The following TRIM23 variants were observed in gnomAD, a reference collection of about 807,000 sequenced individuals.
The protein encoded by TRIM23 is E3 ubiquitin-protein ligase TRIM23.
Under a neutral mutation model 71.0 loss-of-function variants are expected in TRIM23, and 27 were observed. The ratio of observed to expected loss-of-function variants is 0.38; its 90% CI spans 0.28 to 0.52. The LOEUF is 0.52. TRIM23 is among the 20% of genes least tolerant of loss of function. The pLI is 0.84. For missense variants in TRIM23, 482 were observed against 692.3 expected (o/e 0.70, Z 3.41); for synonymous variants, 234 against 238.0 (o/e 0.98, Z 0.16).
intron 3 of TRIM23, 53 bp downstream of exon 3, chr5:65,614,045 T>C: frequency 3.8e-6 from 6 of 1,592,744 alleles, no homozygotes; most frequent in Non-Finnish European, 5.1e-6. Context: ...ATGGCATCTA[T>C]TAAAAGAAAA....
chr5:65,599,029 GC>G (rs1319679353), intron 7 of TRIM23, among the ~76,000 whole-genome samples: 3 of 152,112 alleles, frequency 2.0e-5, no homozygotes, highest in African/African-American at 7.2e-5. Flanking sequence ...AAAACTGAAA[GC>G]TTTTTCTCTA....
intron 6 of TRIM23, among the ~76,000 whole-genome samples, chr5:65,607,713 A>G (rs1754544441): frequency 6.6e-6 from 1 of 152,230 alleles, no homozygotes; most frequent in Admixed American, 6.5e-5. Flanking sequence ...TTCAGTAACT[A>G]TGAACAAACT....
intron 3 of TRIM23, chr5:65,613,793 G>C: frequency 7.8e-7 from 1 of 1,289,802 alleles, no homozygotes; most frequent in Non-Finnish European, 1.0e-6. Context: ...CTCTACTGTT[G>C]CTTACATATC....
chr5:65,595,584 T>G (rs937984867), intron 9 of TRIM23, among the ~76,000 whole-genome samples: 28 of 148,270 alleles, frequency 1.9e-4, no homozygotes, highest in Admixed American at 1.7e-3. Context: ...AAAAATTAGC[T>G]GAATGTGGTG....
At chr5:65,620,817 T>C (rs1037905918) in intron 1 of TRIM23, among the ~76,000 whole-genome samples, 1 of 152,112 alleles carries the variant, frequency 6.6e-6, no homozygotes, top group African/African-American at 2.4e-5. Context: ...GGCTCACACC[T>C]GTAATCACAG....
chr5:65,616,329 T>C (rs1754777582), intron 2 of TRIM23, among the ~76,000 whole-genome samples: 2 of 152,114 alleles, frequency 1.3e-5, no homozygotes, highest in Admixed American at 1.3e-4. Context: ...GGTATTAATG[T>C]AGAGAAGGTA....
At chr5:65,607,470 GCT>G (rs1017005455) in intron 6 of TRIM23, among the ~76,000 whole-genome samples, 1 of 152,086 alleles carries the variant, frequency 6.6e-6, no homozygotes, top group African/African-American at 2.4e-5. Flanking sequence ...CCTCTCCTTT[GCT>G]CTCTCTTTCT....
At chr5:65,617,387 T>C (rs1253420794) in intron 2 of TRIM23, among the ~76,000 whole-genome samples, 1 of 152,176 alleles carries the variant, frequency 6.6e-6, no homozygotes, top group East Asian at 1.9e-4. Context: ...CTGTCTTAGA[T>C]AGTGCAACTG....
rs920566859 is a variant in TRIM23 at position 65,614,036 on chromosome 5, T to G, written c.366+62A>C. 5.0e-6 allele frequency: 8 copies of G among 1,586,824 alleles called. No individual in the cohort carries two copies. In the South Asian group the frequency reaches 5.8e-5, roughly 11 times the overall value. ...AAATGAAGTAATATTGTGCTAATAA[T>G]GGCATCTATTAAAAGAAAAATTCAT... On this transcript the variant is annotated intron_variant, in intron 3 of 10. Coordinates refer to ENST00000231524, the MANE Select transcript of TRIM23 (RefSeq NM_001656.4).
intron 6 of TRIM23, 72 bp from the exon 7 acceptor site, chr5:65,605,117 C>T: frequency 7.2e-7 from 1 of 1,388,686 alleles, no homozygotes; most frequent in Non-Finnish European, 9.6e-7. Context: ...ATATTACCAA[C>T]TCACAATAAA....
chr5:65,591,979 G>A (rs1165543111), intron 10 of TRIM23, 31 bp from the exon 11 acceptor site: 2 of 1,541,046 alleles, frequency 1.3e-6, no homozygotes, highest in Non-Finnish European at 1.8e-6. Context: ...TTTTTTATCA[G>A]TCCATCCAAA....
chr5:65,593,492 T>TAAAA (rs1754101328), intron 10 of TRIM23, among the ~76,000 whole-genome samples: 10 of 152,218 alleles, frequency 6.6e-5, no homozygotes, highest in Admixed American at 5.9e-4. Flanking sequence ...CTTTCATCTT[T>TAAAA]AACTATCTGA....
chr5:65,618,949 T>A (rs1754845452), intron 1 of TRIM23, among the ~76,000 whole-genome samples: 1 of 152,250 alleles, frequency 6.6e-6, no homozygotes, highest in African/African-American at 2.4e-5. Context: ...ATCAGCATAT[T>A]CTGATTCTCA....
At chr5:65,604,041 C>T (rs1754431883) in intron 7 of TRIM23, among the ~76,000 whole-genome samples, 1 of 151,912 alleles carries the variant, frequency 6.6e-6, no homozygotes, top group African/African-American at 2.4e-5. Context: ...CATCCTCTCA[C>T]CTCAGCCTCC....
At position 65,591,859 on chromosome 5, in the gene TRIM23, G is replaced by C; in HGVS notation, c.1635C>G (p.Gly545=). ...GTCCCATACCACTTCGAGCATCACAGCCCTGAATATACCAGCTACGGCCAC... is the reference window on the plus strand; with the variant it reads ...GTCCCATACCACTTCGAGCATCACACCCCTGAATATACCAGCTACGGCCAC... ...LCCGRSWYIQ[G]CDARSGMGLY... Residue 545 remains glycine (G), a synonymous_variant, in exon 11 of 11, where the codon GGC becomes GGG. Coordinates refer to ENST00000231524, the MANE Select transcript of TRIM23 (RefSeq NM_001656.4). The C allele has an allele frequency of 6.2e-7, 1 of 1,613,942 alleles. No homozygotes were observed. The highest frequency in any genetic ancestry group is 8.5e-7 in the Non-Finnish European group (1 of 1,179,950).
chr5:65,596,762 G>A (rs565241451), intron 8 of TRIM23, among the ~76,000 whole-genome samples: 14 of 152,028 alleles, frequency 9.2e-5, no homozygotes, highest in East Asian at 3.9e-4. Flanking sequence ...TGGGATCCAT[G>A]TACCTTCCAG....
intron 2 of TRIM23, among the ~76,000 whole-genome samples, chr5:65,615,606 A>G (rs1367228012): frequency 6.6e-6 from 1 of 152,018 alleles, no homozygotes; most frequent in East Asian, 1.9e-4. Flanking sequence ...CCTTGCCCCT[A>G]GAAGGCTTTC....
rs757239903 is a variant in TRIM23 at position 65,610,880 on chromosome 5, C to T, written c.809G>A (p.Gly270Glu). ...GGEQIVEDGI[G>E]MAHTEHVPGT... ...CCATACATGTTCTGTGTGAGCCATT[C>T]CAATTCCATCTTCCACGATTTGTTC... Residue 270 changes from glycine (G) to glutamate (E), a missense_variant, in exon 5 of 11, where the codon GGA becomes GAA. Physicochemically the swap from Gly to Glu is moderately conservative, Grantham distance 98. Transcript: ENST00000231524. 2.5e-6 allele frequency: 4 copies of T among 1,609,018 alleles called. No individual in the cohort carries two copies. In the Admixed American group the frequency reaches 6.8e-5, roughly 28 times the overall value.
chr5:65,608,161 C>T lies in TRIM23; in HGVS notation c.1044+1082G>A, dbSNP rs138016316. On this transcript the variant is annotated intron_variant, in intron 6 of 10. Coordinates refer to ENST00000231524, the MANE Select transcript of TRIM23 (RefSeq NM_001656.4). ...AAGGAAGAAGTTAGAATTATTAAAACTTAGAAACTTGCAGGAGTGGCTCAT... is the reference window on the plus strand; with the variant it reads ...AAGGAAGAAGTTAGAATTATTAAAATTTAGAAACTTGCAGGAGTGGCTCAT... Among the ~76,000 whole-genome samples the T allele has an allele frequency of 3.7e-3, 557 of 152,292 alleles. 3 individuals are homozygous for T. The highest frequency in any genetic ancestry group is 0.013 in the African/African-American group (527 of 41,566).
Sources: allele counts gnomAD v4.1 joint callset (sites outside exome capture counted in the v4.1 genomes callset), GRCh38; gene constraint gnomAD v4.1.1; transcripts MANE v1.5; gene names NCBI Gene and HGNC (gene_info 2026-07-23, HGNC 2026-07-21).